Variants in EPHA4 observed in about 807,000 individuals in gnomAD.
EPHA4 encodes EPH receptor A4, also known as ephrin type-A receptor 4.
In EPHA4, 19 loss-of-function variants were observed where a neutral mutation model predicts 108.3. The ratio of observed to expected loss-of-function variants is 0.18; its 90% CI spans 0.12 to 0.26. The LOEUF (loss-of-function observed/expected upper bound fraction) is 0.26, where lower values mean the gene tolerates loss of function less well. Ranked by LOEUF, EPHA4 falls within the 10% of genes least tolerant of loss-of-function variation. The pLI, the probability that EPHA4 is intolerant of heterozygous loss-of-function variation, is 1.00. For missense variants in EPHA4, 917 were observed against 1,254.0 expected (o/e 0.73, Z 4.06); for synonymous variants, 449 against 455.5 (o/e 0.99, Z 0.18).
intron 3 of EPHA4, among the ~76,000 whole-genome samples, chr2:221,539,425 C>T (rs183175034): frequency 4.6e-5 from 7 of 152,074 alleles, no homozygotes; most frequent in Admixed American, 6.5e-5. Context: ...CATGAAGGAA[C>T]GCAATCAAAA....
intron 14 of EPHA4, among the ~76,000 whole-genome samples, chr2:221,432,890 T>A (rs1690122508): frequency 6.7e-6 from 1 of 148,258 alleles, no homozygotes; most frequent in Admixed American, 6.9e-5. Flanking sequence ...AGTGGCGTGA[T>A]CTCTGCTCAC....
At position 221,564,175 on chromosome 2, in the gene EPHA4, A is replaced by G. The variant is rs371268826; in HGVS notation, c.379T>C (p.Tyr127His). Reference sequence around the variant, plus strand: ...CGCTCTTTGTCGTTGTCTGATTCATAGTAGTACAGGTTAAACGTCTCCTTG... The same window carrying G: ...CGCTCTTTGTCGTTGTCTGATTCATGGTAGTACAGGTTAAACGTCTCCTTG... ...TCKETFNLYY[Y>H]ESDNDKERFI... The change falls in exon 3 of 18, where the codon TAT (tyrosine) becomes CAT (histidine). Residue 127 changes from tyrosine (Y) to histidine (H), a missense_variant. Transcript: ENST00000281821. 14 of 1,614,000 alleles carry G rather than the reference A, an allele frequency of 8.7e-6. No individual in the cohort carries two copies. In the African/African-American group the frequency reaches 1.7e-4, roughly 20 times the overall value.
chr2:221,447,843 T>TTATTTA, intron 8 of EPHA4, among the ~76,000 whole-genome samples: 1 of 151,472 alleles, frequency 6.6e-6, no homozygotes, highest in East Asian at 1.9e-4. Flanking sequence ...ATTTATTTAT[T>TTATTTA]TAATTTATTA....
intron 3 of EPHA4, among the ~76,000 whole-genome samples, chr2:221,533,501 G>T (rs1023783493): frequency 1.3e-5 from 2 of 152,016 alleles, no homozygotes; most frequent in African/African-American, 4.8e-5. Flanking sequence ...AATTTCAAAG[G>T]TGTGTCCCTG....
At chr2:221,447,844 T>TATTC (rs397734171) in intron 8 of EPHA4, among the ~76,000 whole-genome samples, 1 of 147,398 alleles carries the variant, frequency 6.8e-6, no homozygotes, top group Non-Finnish European at 1.5e-5. Flanking sequence ...TTTATTTATT[T>TATTC]AATTTATTAT....
intron 2 of EPHA4, among the ~76,000 whole-genome samples, chr2:221,567,181 T>C (rs922151422): frequency 6.6e-6 from 1 of 152,080 alleles, no homozygotes; most frequent in Non-Finnish European, 1.5e-5. Flanking sequence ...TCTTCAAACT[T>C]AAAAGCAGCC....
chr2:221,560,529 A>G (rs1179549604), intron 3 of EPHA4, among the ~76,000 whole-genome samples: 1 of 152,160 alleles, frequency 6.6e-6, no homozygotes, highest in East Asian at 1.9e-4. Context: ...TTTAGCCTTG[A>G]TATCAAGGAG....
intron 5 of EPHA4, 77 bp downstream of exon 5, chr2:221,482,275 A>T: frequency 1.5e-6 from 2 of 1,304,872 alleles, no homozygotes; most frequent in Non-Finnish European, 2.1e-6. Flanking sequence ...AATTATAGCA[A>T]TTTATTATAA....
At chr2:221,507,404 C>T (rs1222894830) in intron 3 of EPHA4, among the ~76,000 whole-genome samples, 1 of 152,062 alleles carries the variant, frequency 6.6e-6, no homozygotes, top group Admixed American at 6.6e-5. Flanking sequence ...GGAAGCTATT[C>T]CTATACCATT....
intron 7 of EPHA4, 26 bp downstream of exon 7, chr2:221,456,587 G>A: frequency 6.2e-7 from 1 of 1,610,304 alleles, no homozygotes; most frequent in Non-Finnish European, 8.5e-7. Context: ...CCTCAGAAGT[G>A]ACTGAGTCTG....
At chr2:221,476,368 T>C (rs963220120) in intron 5 of EPHA4, among the ~76,000 whole-genome samples, 10 of 152,164 alleles carry the variant, frequency 6.6e-5, no homozygotes, top group African/African-American at 2.4e-4. Context: ...AAACTGGACT[T>C]CCCAACATCT....
At chr2:221,540,449 A>G (rs1025010261) in intron 3 of EPHA4, among the ~76,000 whole-genome samples, 5 of 152,192 alleles carry the variant, frequency 3.3e-5, no homozygotes, top group African/African-American at 1.2e-4. Context: ...AAATGATCAA[A>G]TACGCCAGTT....
intron 2 of EPHA4, among the ~76,000 whole-genome samples, chr2:221,568,359 C>T (rs1463280244): frequency 6.6e-6 from 1 of 151,912 alleles, no homozygotes; most frequent in African/African-American, 2.4e-5. Context: ...GACAATTGCT[C>T]TTAAATTAAC....
intron 3 of EPHA4, among the ~76,000 whole-genome samples, chr2:221,503,464 T>C (rs150588035): frequency 1.2e-4 from 18 of 152,366 alleles, no homozygotes; most frequent in Middle Eastern, 3.4e-3. Flanking sequence ...TGCCTTCAAT[T>C]TCATTAAATT....
At chr2:221,507,742 A>G (rs977806143) in intron 3 of EPHA4, among the ~76,000 whole-genome samples, 2 of 152,204 alleles carry the variant, frequency 1.3e-5, no homozygotes, top group Non-Finnish European at 2.9e-5. Context: ...AAGAGCTTTG[A>G]AAGATGTAAC....
At chr2:221,511,542 G>GTACCTCACT (rs1354830232) in intron 3 of EPHA4, among the ~76,000 whole-genome samples, 6 of 151,878 alleles carry the variant, frequency 4.0e-5, no homozygotes, top group Admixed American at 6.5e-5. Context: ...TCCCTTTTTT[G>GTACCTCACT]TCTATAAATC....
intron 3 of EPHA4, among the ~76,000 whole-genome samples, chr2:221,548,362 C>CAA (rs536224750): frequency 3.6e-4 from 49 of 137,484 alleles, no homozygotes; most frequent in African/African-American, 1.2e-3. Context: ...GAGTCCGTCT[C>CAA]AAAAAAAAAA....
At chr2:221,572,399 C>G (rs190547171), upstream of EPHA4, 794 of 592,728 alleles carry the variant, frequency 1.3e-3, 4 homozygotes, top group African/African-American at 0.018. Context: ...CCAATGGCGG[C>G]GCAGACAGGG....
At chr2:221,508,559 A>G (rs1456857426) in intron 3 of EPHA4, among the ~76,000 whole-genome samples, 1 of 151,188 alleles carries the variant, frequency 6.6e-6, no homozygotes, top group Admixed American at 6.6e-5. Flanking sequence ...AGCCTGGGCA[A>G]CAGAGTGAGA....
Sources: allele counts gnomAD v4.1 joint callset (sites outside exome capture counted in the v4.1 genomes callset), GRCh38; gene constraint gnomAD v4.1.1; transcripts MANE v1.5; gene names NCBI Gene and HGNC (gene_info 2026-07-23, HGNC 2026-07-21).